The following TLN1 variants were observed in gnomAD, a reference collection of about 807,000 sequenced individuals.
The protein encoded by TLN1 is talin 1.
In TLN1, 56 loss-of-function variants were observed where a neutral mutation model predicts 292.3. The ratio of observed to expected loss-of-function variants is 0.19; its 90% confidence interval spans 0.15 to 0.24. The LOEUF is 0.24. Among genes scored for constraint, TLN1 ranks in the 10% least tolerant of loss-of-function variants. The probability of loss-of-function intolerance (pLI) is 1.00; values close to 1 mark genes in which losing one functional copy is unlikely to be tolerated. For synonymous variants in TLN1, 1,119 were observed against 1,253.7 expected (o/e 0.89, Z 2.27); for missense variants, 2,433 against 3,248.2 (o/e 0.75, Z 6.10).
chr9:35,722,209 A>G lies in TLN1; in HGVS notation c.858T>C (p.Cys286=). The G allele has an allele frequency of 6.2e-7, 1 of 1,614,250 alleles. No individual in the cohort carries two copies. Among genetic ancestry groups the G allele is most frequent in the Non-Finnish European group, 8.5e-7 (1 of 1,180,034 alleles). ...ERKIFQAHKN[C]GQMSEIEAKV... is the part of the protein sequence containing the mutation. ...TGGCCTCAATCTCACTCATCTGCCC[A>G]CAATTCTTGTGTGCCTGTGCATAAA... The change falls in exon 9 of 57, where the codon TGT becomes TGC. Residue 286 remains cysteine, a synonymous_variant. Coordinates refer to ENST00000314888, the MANE Select transcript of TLN1 (RefSeq NM_006289.4).
chr9:35,700,440 CTG>C (rs755917712), intron 48 of TLN1, 64 bp from the exon 49 acceptor site: 22 of 1,499,864 alleles, frequency 1.5e-5, no homozygotes, highest in Admixed American at 2.0e-5. Context: ...GCGTAGAACT[CTG>C]TGTGCATGTG....
Position 35,699,027 on chromosome 9 carries a change from C to G in TLN1, c.6999+5G>C, listed in dbSNP as rs558476133. 5 of 1,612,316 alleles carry G rather than the reference C, an allele frequency of 3.1e-6. No homozygotes were observed. In the South Asian group the frequency reaches 5.5e-5, roughly 18 times the overall value. Reference sequence around the variant, plus strand: ...AGGGTGGAAGAGGAAGGGAGCAGGACTGACCTTGGGTTTGGCCCGGGGCTT... The same window carrying G: ...AGGGTGGAAGAGGAAGGGAGCAGGAGTGACCTTGGGTTTGGCCCGGGGCTT... On this transcript the variant is annotated splice_donor_5th_base_variant and intron_variant, in intron 52 of 56. Transcript: ENST00000314888. The surrounding 1 kb of genome is among the most constrained non-coding windows in gnomAD (Gnocchi z 4.0).
In TLN1 at chr9:35,708,589, G is replaced by C. The variant is rs980688841; in HGVS notation, c.4327-105C>G. The C allele has an allele frequency of 7.6e-6, 9 of 1,188,670 alleles. No individual in the cohort carries two copies. In the African/African-American group the frequency reaches 1.3e-4, roughly 17 times the overall value. 73.6% of individuals were successfully genotyped at this position (1,188,670 alleles called of 1,614,324 possible). ...AGCAGAGGTAAGTTTAGAGAATAGGGCTTATTTTCCAGAGTTCTCCATGAG... is the reference window on the plus strand; with the variant it reads ...AGCAGAGGTAAGTTTAGAGAATAGGCCTTATTTTCCAGAGTTCTCCATGAG... On this transcript the variant is annotated intron_variant, in intron 33 of 56. Transcript: ENST00000314888.
In TLN1 at chr9:35,719,154, G is replaced by A. The variant is rs757816384; in HGVS notation, c.1816C>T (p.Arg606Trp). 14 of 1,614,030 alleles carry A rather than the reference G, an allele frequency of 8.7e-6. No individual in the cohort carries two copies. The highest frequency in any genetic ancestry group is 1.3e-5 in the African/African-American group (1 of 74,928). The stretch of plus-strand genomic sequence containing the variant: ...CCCTTTGCTGCCTGCAACAGGGGCC[G>A]ACCACTGCCGCCTTCGTCCTCCAGC... ...ALLEDEGGSG[R>W]PLLQAAKGLA... The change falls in exon 16 of 57, where the codon CGG becomes TGG. Residue 606 changes from arginine (R) to tryptophan (W), a missense_variant. Around this residue, in one of 7 missense-constraint regions of TLN1, gnomAD observed 617 missense variants for 770.6 expected, o/e 0.80. Transcript: ENST00000314888. The surrounding 1 kb of genome is among the most constrained non-coding windows in gnomAD (Gnocchi z 4.6).
intron 11 of TLN1, 149 bp downstream of exon 11, chr9:35,720,663 T>A: frequency 2.0e-6 from 2 of 997,802 alleles, no homozygotes; most frequent in South Asian, 1.6e-5. Context: ...AAGGGCTCTG[T>A]CACCCAGGCT....
intron 3 of TLN1, 80 bp downstream of exon 3, chr9:35,725,144 G>T (rs1338329683): frequency 1.2e-5 from 18 of 1,552,188 alleles, no homozygotes; most frequent in Non-Finnish European, 1.6e-5. Flanking sequence ...GACAACAGAT[G>T]TGGGTGCTGA....
chr9:35,698,766 G>C lies in TLN1; in HGVS notation c.7125+42C>G. 4.3e-6 allele frequency: 7 copies of C among 1,613,756 alleles called. No individual in the cohort carries two copies. Among genetic ancestry groups the C allele is most frequent in the Non-Finnish European group, 5.9e-6 (7 of 1,179,684 alleles). Reference sequence around the variant, plus strand: ...TATGGATGTGGATGTGGACATCAAAGTGCCAACCTGTCCCCATTCTTCTGG... The same window carrying C: ...TATGGATGTGGATGTGGACATCAAACTGCCAACCTGTCCCCATTCTTCTGG... On this transcript the variant is annotated intron_variant, in intron 53 of 56. Coordinates refer to ENST00000314888, the MANE Select transcript of TLN1 (RefSeq NM_006289.4). This position sits in a 1 kb window ranked among gnomAD's most constrained non-coding sequence, Gnocchi z 5.3.
intron 48 of TLN1, among the ~76,000 whole-genome samples, chr9:35,702,979 A>T (rs188924987): frequency 4.2e-4 from 64 of 152,318 alleles, no homozygotes; most frequent in Non-Finnish European, 7.4e-5. Flanking sequence ...TCACATGCTA[A>T]GGAATAAACA....
rs759059331 is a variant in TLN1 at position 35,698,928 on chromosome 9, T to A, written c.7005A>T (p.Ala2335=). 1.2e-6 allele frequency: 2 copies of A among 1,613,854 alleles called. No individual in the cohort carries two copies. The highest frequency in any genetic ancestry group is 8.5e-7 in the Non-Finnish European group (1 of 1,179,708). Residue 2335 remains alanine (A), a synonymous_variant, in exon 53 of 57, where the codon GCA becomes GCT. Transcript: ENST00000314888. This position sits in a 1 kb window ranked among gnomAD's most constrained non-coding sequence, Gnocchi z 5.3. ...GCTCCTCAAAGTTCAAGGACTCATC[T>A]GCCTCCTGCAATAAGCGAAGGTTGC... The part of the protein sequence containing the change: ...QLKPRAKPKE[A]DESLNFEEQI...
At position 35,697,730 on chromosome 9, in the gene TLN1, G is replaced by C; in HGVS notation, c.*61C>G. 1 of 1,594,130 alleles carries C rather than the reference G, an allele frequency of 6.3e-7. No individual in the cohort carries two copies. The highest frequency in any genetic ancestry group is 8.6e-7 in the Non-Finnish European group (1 of 1,168,972). ...CAGGTTGGGCCCCGACAGCCCAGAA[G>C]GCTTTGGTAGTGGCACGCACAGTCT... On this transcript the variant is annotated 3_prime_UTR_variant, in exon 57 of 57. Transcript: ENST00000314888.
Position 35,698,673 on chromosome 9 carries a change from C to T in TLN1, c.7132G>A (p.Ala2378Thr), listed in dbSNP as rs772585317. 2 of 1,614,170 alleles carry T rather than the reference C, an allele frequency of 1.2e-6. No homozygotes were observed. Among genetic ancestry groups the T allele is most frequent in the Non-Finnish European group, 8.5e-7 (1 of 1,180,036 alleles). The change falls in exon 54 of 57, where the codon GCC becomes ACC. Residue 2378 changes from alanine (A) to threonine (T), a missense_variant. Transcript: ENST00000314888. The surrounding 1 kb of genome is among the most constrained non-coding windows in gnomAD (Gnocchi z 5.3). ...RELVAQGKVG[A>T]IPANALDDGQ... ...TCGTCCAGTGCATTGGCTGGAATGGCACCCACCTGTAGGAAGGAGAAGAGC... is the reference window on the plus strand; with the variant it reads ...TCGTCCAGTGCATTGGCTGGAATGGTACCCACCTGTAGGAAGGAGAAGAGC...
At position 35,711,368 on chromosome 9, in the gene TLN1, C is replaced by T. The variant is rs754859088; in HGVS notation, c.3906G>A (p.Val1302=). The T allele has an allele frequency of 7.4e-6, 12 of 1,614,074 alleles. No individual in the cohort carries two copies. Among genetic ancestry groups the T allele is most frequent in the Non-Finnish European group, 9.3e-6 (11 of 1,180,042 alleles). ...ACATGGAGATGCCCTTCAAGTTGGA[C>T]ACAACTTGGGCTCGGTCCTCCTGGC... ...APSQEDRAQV[V]SNLKGISMSS... Residue 1302 remains valine, a synonymous_variant, in exon 30 of 57, where the codon GTG becomes GTA. Coordinates refer to ENST00000314888, the MANE Select transcript of TLN1 (RefSeq NM_006289.4).
At chr9:35,710,000 A>G (rs1367877325) in intron 33 of TLN1, among the ~76,000 whole-genome samples, 1 of 148,814 alleles carries the variant, frequency 6.7e-6, no homozygotes, top group Non-Finnish European at 1.5e-5. Flanking sequence ...ATCACGAGTC[A>G]GGATATCGAG....
At position 35,697,188 on chromosome 9, in the gene TLN1, G is replaced by A. The variant is rs1415504842; in HGVS notation, c.*603C>T. ...CCCATTGGATAACTTTAGGGTCCGG[G>A]TGCAAGGAGGAAGGGACCTCAGGTG... is the stretch of plus-strand genomic sequence containing the variant. On this transcript the variant is annotated 3_prime_UTR_variant, in exon 57 of 57. Transcript: ENST00000314888. The A allele has an allele frequency of 6.6e-6, 1 of 152,622 alleles. No homozygotes were observed. The highest frequency in any genetic ancestry group is 1.5e-5 in the Non-Finnish European group (1 of 68,424). The allele number at this position is 152,622 out of a possible 1,614,324, so 9.5% of individuals were successfully genotyped here. A position where few individuals can be genotyped will look rare whatever the true frequency, so the allele number is the denominator to read the frequency against.
In TLN1 at chr9:35,697,158, A is replaced by T. The variant is rs1174539431; in HGVS notation, c.*633T>A. ...ACAGGAGTATGACTTCTCAGGCACA[A>T]CTTCCCCATTGGATAACTTTAGGGT... On this transcript the variant is annotated 3_prime_UTR_variant, in exon 57 of 57. Coordinates refer to ENST00000314888, the MANE Select transcript of TLN1 (RefSeq NM_006289.4). 1 of 152,374 alleles carries T rather than the reference A, an allele frequency of 6.6e-6. No homozygotes were observed. Among genetic ancestry groups the T allele is most frequent in the Non-Finnish European group, 1.5e-5 (1 of 68,252 alleles). 9.4% of individuals were successfully genotyped at this position (152,374 alleles called of 1,614,324 possible).
rs760427707 is a variant in TLN1 at position 35,706,835 on chromosome 9, T to A, written c.5021A>T (p.Asp1674Val). The A allele has an allele frequency of 5.6e-6, 9 of 1,613,984 alleles. No homozygotes were observed. Among genetic ancestry groups the A allele is most frequent in the Non-Finnish European group, 5.1e-6 (6 of 1,180,014 alleles). Residue 1674 changes from aspartate to valine, a missense_variant, in exon 38 of 57, where the codon GAC (aspartate) becomes GTC (valine). Around this residue, in one of 7 missense-constraint regions of TLN1, gnomAD observed 1,384 missense variants for 1,699.6 expected, o/e 0.81. Transcript: ENST00000314888. The surrounding 1 kb of genome is among the most constrained non-coding windows in gnomAD (Gnocchi z 4.2). ...AIAALNSCLR[D>V]LDQASLAAVS... is the part of the protein sequence containing the mutation. ...TGCAGCGAGGGAAGCCTGGTCTAGG[T>A]CCCGTAGACAACTGTTCAGAGCTGC...
In TLN1 at chr9:35,711,006, C is replaced by T. The variant is rs746908388; in HGVS notation, c.4096G>A (p.Ala1366Thr). ...GTGTCTACCTCCAATTCCCGCAGGG[C>T]GTTATCACACTCCTTCTGGCCGGGT... ...QAPGQKECDNALRELETVREL... is the reference protein window; with the variant it reads ...QAPGQKECDNTLRELETVREL... Residue 1366 changes from alanine to threonine, a missense_variant, in exon 31 of 57, where the codon GCC becomes ACC. Physicochemically the swap from Ala to Thr is moderately conservative, Grantham distance 58. Coordinates refer to ENST00000314888, the MANE Select transcript of TLN1 (RefSeq NM_006289.4). The T allele has an allele frequency of 3.5e-5, 56 of 1,614,084 alleles. No individual in the cohort carries two copies. The highest frequency in any genetic ancestry group is 1.8e-4 in the East Asian group (8 of 44,900).
Position 35,707,044 on chromosome 9 carries a change from G to A in TLN1, c.4955+28C>T, listed in dbSNP as rs1825576855. On this transcript the variant is annotated intron_variant, in intron 37 of 56. Transcript: ENST00000314888. This position sits in a 1 kb window ranked among gnomAD's most constrained non-coding sequence, Gnocchi z 5.6. ...ATTCTGCCACAATGTATGCCCCCCA[G>A]CCACACTGGTTCCCCATCCCTCAAT... 2 of 1,610,406 alleles carry A rather than the reference G, an allele frequency of 1.2e-6. No individual in the cohort carries two copies. Among genetic ancestry groups the A allele is most frequent in the African/African-American group, 2.7e-5 (2 of 74,644 alleles).
intron 25 of TLN1, among the ~76,000 whole-genome samples, chr9:35,713,589 C>A (rs1004138144): frequency 1.3e-5 from 2 of 151,960 alleles, no homozygotes; most frequent in Admixed American, 1.3e-4. Context: ...GAGGCTGAGG[C>A]AGGAGAATGG....
Sources: gnomAD v4.1 joint callset for allele counts (sites outside exome capture counted in the v4.1 genomes callset) on GRCh38, gnomAD v4.1.1 for gene constraint, gnomAD v4.1.1 regional missense constraint, Gnocchi (gnomAD v3.1) non-coding constraint, MANE v1.5 for transcripts, NCBI Gene and HGNC (gene_info 2026-07-23, HGNC 2026-07-21) for gene names.